Variants in RNF144A observed in about 807,000 individuals in gnomAD.
RNF144A encodes the protein ring finger protein 144A.
Under a neutral mutation model 38.7 loss-of-function variants are expected in RNF144A, and 11 were observed. The observed-to-expected ratio is 0.28, with a 90% CI of 0.18 to 0.47. RNF144A has a LOEUF of 0.47. RNF144A is among the 20% of genes least tolerant of loss of function. The pLI is 0.99. For synonymous variants in RNF144A, 149 were observed against 143.9 expected (o/e 1.04, Z -0.25); for missense variants, 316 against 377.2 (o/e 0.84, Z 1.34).
intron 1 of RNF144A, among the ~76,000 whole-genome samples, chr2:6,922,914 G>A (rs1041968768): frequency 2.0e-5 from 3 of 152,136 alleles, no homozygotes; most frequent in Non-Finnish European, 2.9e-5. Flanking sequence ...GTGAGCCACC[G>A]CGCCCGGCCT....
downstream of RNF144A, among the ~76,000 whole-genome samples, chr2:7,047,720 A>T (rs1018982322): frequency 1.3e-5 from 2 of 152,188 alleles, no homozygotes; most frequent in African/African-American, 4.8e-5. Context: ...CCAGAAGCAA[A>T]AGCCTCAACT....
rs1449138309 is a variant in RNF144A, at chr2:6,917,783, G to T, written c.-212+161G>T. ...CGGCGCCCGGTGGCAGCGGGCGGGG[G>T]GCAGCGTCCCGGGCGGGGACTCGCG... On this transcript the variant is annotated intron_variant, in intron 1 of 8. Transcript: ENST00000320892. This position sits in a 1 kb window ranked among gnomAD's most constrained non-coding sequence, Gnocchi z 4.8. Among the ~76,000 whole-genome samples, 7 of 150,104 alleles carry T rather than the reference G, an allele frequency of 4.7e-5. No individual in the cohort carries two copies. Among genetic ancestry groups the T allele is most frequent in the African/African-American group, 9.7e-5 (4 of 41,180 alleles).
chr2:7,052,487 C>T (rs544804186), intron 6 of RNF144A, among the ~76,000 whole-genome samples: 1 of 152,168 alleles, frequency 6.6e-6, no homozygotes, highest in African/African-American at 2.4e-5. Context: ...ATGGTTCTCT[C>T]CACTGAATCA....
chr2:6,988,391 T>A (rs1468476257), intron 2 of RNF144A, among the ~76,000 whole-genome samples: 1 of 152,224 alleles, frequency 6.6e-6, no homozygotes, highest in African/African-American at 2.4e-5. Context: ...CATTTAGGGG[T>A]CTTGTCTCCT....
chr2:7,043,575 C>T lies in RNF144A; in HGVS notation c.*3815C>T. 1 of 985,576 alleles carries T rather than the reference C, an allele frequency of 1.0e-6. No individual in the cohort carries two copies. The highest frequency in any genetic ancestry group is 1.2e-6 in the Non-Finnish European group (1 of 829,758). 61.1% of individuals were successfully genotyped at this position (985,576 alleles called of 1,614,324 possible). On this transcript the variant is annotated 3_prime_UTR_variant, in exon 9 of 9. Transcript: ENST00000320892. ...AGCTTGTTTATTTCTGATAATTAAC[C>T]TAAGCCCTTATGAAAATAAACAAAA...
downstream of RNF144A, among the ~76,000 whole-genome samples, chr2:7,048,836 T>C (rs1673408116): frequency 6.6e-6 from 1 of 152,206 alleles, no homozygotes; most frequent in African/African-American, 2.4e-5. Context: ...AGATTCACTT[T>C]CACCTAAAGC....
At chr2:7,030,923 A>T (rs574727605) in intron 8 of RNF144A, among the ~76,000 whole-genome samples, 40 of 151,914 alleles carry the variant, frequency 2.6e-4, no homozygotes, top group African/African-American at 9.4e-4. Flanking sequence ...TTAGATTCTC[A>T]TATAAGGAGG....
chr2:7,050,145 T>C (rs1170577724), intron 6 of RNF144A, among the ~76,000 whole-genome samples: 1 of 152,204 alleles, frequency 6.6e-6, no homozygotes, highest in Non-Finnish European at 1.5e-5. Flanking sequence ...TGATATGGTT[T>C]GGCTGTGTCC....
intron 6 of RNF144A, among the ~76,000 whole-genome samples, chr2:7,054,477 T>A (rs1673651584): frequency 6.6e-6 from 1 of 152,192 alleles, no homozygotes; most frequent in Non-Finnish European, 1.5e-5. Context: ...CCCTAGGATT[T>A]TTCTGTCATG....
At chr2:6,973,254 A>G (rs1469884076) in intron 2 of RNF144A, among the ~76,000 whole-genome samples, 3 of 152,204 alleles carry the variant, frequency 2.0e-5, no homozygotes, top group African/African-American at 4.8e-5. Context: ...CACACTTTTC[A>G]GTATAGGATG....
chr2:6,969,146 G>C (rs1250602579), intron 2 of RNF144A, among the ~76,000 whole-genome samples: 2 of 152,174 alleles, frequency 1.3e-5, no homozygotes, highest in African/African-American at 4.8e-5. Context: ...TGCCACATCT[G>C]TTAACTTATT....
downstream of RNF144A, among the ~76,000 whole-genome samples, chr2:7,069,143 T>C (rs575524638): frequency 6.6e-5 from 10 of 152,126 alleles, no homozygotes; most frequent in Admixed American, 5.2e-4. Context: ...ACCTGGTAGG[T>C]GTTGAGTTGG....
At chr2:6,985,565 A>T (rs1389918930) in intron 2 of RNF144A, among the ~76,000 whole-genome samples, 1 of 152,206 alleles carries the variant, frequency 6.6e-6, no homozygotes, top group African/African-American at 2.4e-5. Context: ...AGGAAGGTGG[A>T]TGTGGAAGGT....
chr2:7,060,485 C>T (rs976074224), intron 6 of RNF144A, among the ~76,000 whole-genome samples: 14 of 152,196 alleles, frequency 9.2e-5, no homozygotes, highest in African/African-American at 3.4e-4. Flanking sequence ...AGGATTCAGA[C>T]AGACTAACAT....
At chr2:7,018,746 G>A (rs950687299) in intron 5 of RNF144A, among the ~76,000 whole-genome samples, 2 of 152,238 alleles carry the variant, frequency 1.3e-5, no homozygotes, top group African/African-American at 4.8e-5. Context: ...GAGCATCCTG[G>A]GGATTTTAGA....
rs1376949026 is a variant in RNF144A at position 7,039,779 on chromosome 2, A to C, written c.*19A>C. ...CACCTAGAGGAAGCGCGATGCTGGA[A>C]CACATCCCTGCCTCCGGGAAGTGTG... On this transcript the variant is annotated 3_prime_UTR_variant, in exon 9 of 9. Coordinates refer to ENST00000320892, the MANE Select transcript of RNF144A (RefSeq NM_014746.6). 6.2e-7 allele frequency: 1 copy of C among 1,610,728 alleles called. No individual in the cohort carries two copies. The highest frequency in any genetic ancestry group is 1.7e-5 in the Admixed American group (1 of 59,898).
At chr2:6,919,630 G>C (rs1664404073) in intron 1 of RNF144A, among the ~76,000 whole-genome samples, 1 of 152,078 alleles carries the variant, frequency 6.6e-6, no homozygotes, top group East Asian at 1.9e-4. Context: ...TGTGGCTTCC[G>C]AGTCAGACCC....
intron 1 of RNF144A, among the ~76,000 whole-genome samples, chr2:6,931,927 C>T (rs565898067): frequency 8.5e-5 from 13 of 152,264 alleles, no homozygotes; most frequent in African/African-American, 2.9e-4. Context: ...TCAAGTAGAT[C>T]GAGTTGATTG....
Position 7,040,927 on chromosome 2 carries a change from C to T in RNF144A, c.*1167C>T, listed in dbSNP as rs532476371. 2 of 985,448 alleles carry T rather than the reference C, an allele frequency of 2.0e-6. No individual in the cohort carries two copies. Among genetic ancestry groups the T allele is most frequent in the East Asian group, 1.1e-4 (1 of 8,816 alleles). 61.0% of individuals were successfully genotyped at this position (985,448 alleles called of 1,614,324 possible). ...TCGTTTTAACGTGGGGATTTTACCA[C>T]TTGATCTTTTACAGGGCTGTCTGTG... On this transcript the variant is annotated 3_prime_UTR_variant, in exon 9 of 9. Coordinates refer to ENST00000320892, the MANE Select transcript of RNF144A (RefSeq NM_014746.6).
Sources: gnomAD v4.1 joint callset for allele counts (sites outside exome capture counted in the v4.1 genomes callset) on GRCh38, gnomAD v4.1.1 for gene constraint, Gnocchi (gnomAD v3.1) non-coding constraint, MANE v1.5 for transcripts, NCBI Gene and HGNC (gene_info 2026-07-23, HGNC 2026-07-21) for gene names.